ABCC4: variants seen among roughly 807,000 people sequenced by gnomAD.
The protein encoded by ABCC4 is ATP-binding cassette sub-family C member 4.
Under a neutral mutation model 168.5 loss-of-function variants are expected in ABCC4, and 102 were observed. The observed-to-expected ratio is 0.61, with a 90% CI of 0.52 to 0.71. The LOEUF is 0.71. Among genes scored for constraint, ABCC4 ranks in the 30% least tolerant of loss-of-function variants. ABCC4 has a pLI of 0.00. For missense variants in ABCC4, 1,402 were observed against 1,605.8 expected (o/e 0.87, Z 2.17); for synonymous variants, 617 against 590.7 (o/e 1.04, Z -0.65).
intron 25 of ABCC4, among the ~76,000 whole-genome samples, chr13:95,069,104 A>T (rs774700083): frequency 6.6e-5 from 10 of 152,190 alleles, no homozygotes; most frequent in Non-Finnish European, 1.5e-4. Flanking sequence ...TTCAATTGTG[A>T]CTATAGCCCA....
intron 19 of ABCC4, among the ~76,000 whole-genome samples, chr13:95,139,431 C>T (rs1196480199): frequency 6.6e-6 from 1 of 152,146 alleles, no homozygotes; most frequent in Non-Finnish European, 1.5e-5. Context: ...GCAGCTGTAA[C>T]CCAGAAACTT....
Position 95,186,775 on chromosome 13 carries a change from T to C in ABCC4, c.1471A>G (p.Ser491Gly). ...TATTTCTTCCCAAATAAAATATTAC[T>C]CCTCAGAGTTCCCGAGAACACCCAG... is the stretch of plus-strand genomic sequence containing the variant. ...QPWVFSGTLRSNILFGKKYEK... is the reference protein window; with the variant it reads ...QPWVFSGTLRGNILFGKKYEK... Residue 491 changes from serine (S) to glycine (G), a missense_variant, in exon 11 of 31, where the codon AGT (serine) becomes GGT (glycine). Around this residue, in one of 3 missense-constraint regions of ABCC4, gnomAD observed 1,007 missense variants for 1,127.3 expected, o/e 0.89. Coordinates refer to ENST00000645237, the MANE Select transcript of ABCC4 (RefSeq NM_005845.5). 1.9e-6 allele frequency: 3 copies of C among 1,614,140 alleles called. No homozygotes were observed. The highest frequency in any genetic ancestry group is 2.5e-6 in the Non-Finnish European group (3 of 1,180,010).
At chr13:95,284,801 G>C (rs1004655326) in intron 1 of ABCC4, among the ~76,000 whole-genome samples, 1 of 152,182 alleles carries the variant, frequency 6.6e-6, no homozygotes, top group Non-Finnish European at 1.5e-5. Flanking sequence ...TTTGAACCTA[G>C]GCTCTGCCAC....
chr13:95,233,499 G>T (rs1317091311), intron 4 of ABCC4, among the ~76,000 whole-genome samples: 1 of 152,036 alleles, frequency 6.6e-6, no homozygotes, highest in Non-Finnish European at 1.5e-5. Flanking sequence ...GACTACTAGA[G>T]TTGGGAGAGA....
chr13:95,258,435 T>A (rs945775291), intron 1 of ABCC4, among the ~76,000 whole-genome samples: 2 of 152,146 alleles, frequency 1.3e-5, no homozygotes, highest in African/African-American at 4.8e-5. Context: ...CCTGCAGGTC[T>A]CAATCCCCAG....
chr13:95,278,150 G>A (rs756424601), intron 1 of ABCC4, among the ~76,000 whole-genome samples: 8 of 152,182 alleles, frequency 5.3e-5, no homozygotes, highest in Non-Finnish European at 1.0e-4. Context: ...TGCTCAAGTG[G>A]AGATGCTACC....
At position 95,245,583 on chromosome 13, in the gene ABCC4, T is replaced by C. The variant is rs536071055; in HGVS notation, c.306+1392A>G. Among the ~76,000 whole-genome samples, 458 of 152,216 alleles carry C rather than the reference T, an allele frequency of 3.0e-3. 3 individuals carry two copies. The highest frequency in any genetic ancestry group is 5.2e-3 in the Non-Finnish European group (352 of 67,990). On this transcript the variant is annotated intron_variant, in intron 3 of 30. Coordinates refer to ENST00000645237, the MANE Select transcript of ABCC4 (RefSeq NM_005845.5). ...CTCCTAGCCCTCTTCCACCCTCAAG[T>C]CAGTTCCACCGGTTATTCTGCATGT...
intron 20 of ABCC4, among the ~76,000 whole-genome samples, chr13:95,109,713 C>G (rs2035137168): frequency 6.6e-6 from 1 of 152,132 alleles, no homozygotes; most frequent in African/African-American, 2.4e-5. Context: ...CGTGCTGAGA[C>G]CTTAACCATT....
intron 27 of ABCC4, among the ~76,000 whole-genome samples, chr13:95,050,810 T>C (rs1354819568): frequency 6.6e-6 from 1 of 152,248 alleles, no homozygotes; most frequent in Non-Finnish European, 1.5e-5. Flanking sequence ...AGTTCCATGA[T>C]GGTTTTTGAT....
chr13:95,102,346 A>AATT (rs1291558376), intron 20 of ABCC4, among the ~76,000 whole-genome samples: 1 of 152,232 alleles, frequency 6.6e-6, no homozygotes, highest in East Asian at 1.9e-4. Flanking sequence ...GGGTCTCACC[A>AATT]TAATGCTCAG....
intron 10 of ABCC4, among the ~76,000 whole-genome samples, chr13:95,188,009 C>A (rs955543997): frequency 6.6e-6 from 1 of 152,220 alleles, no homozygotes; most frequent in Non-Finnish European, 1.5e-5. Flanking sequence ...CAGGACTATA[C>A]ACCTGGCTAC....
intron 1 of ABCC4, among the ~76,000 whole-genome samples, chr13:95,259,295 G>A (rs59257629): frequency 0.14 from 20,979 of 151,464 alleles, 2,062 homozygotes; most frequent in East Asian, 0.4. Context: ...CAGGAGAATC[G>A]CTTGAACCAG....
At chr13:95,178,968 C>G (rs1428906714) in intron 11 of ABCC4, among the ~76,000 whole-genome samples, 2 of 152,032 alleles carry the variant, frequency 1.3e-5, no homozygotes, top group Non-Finnish European at 2.9e-5. Context: ...TGGTGTAAGA[C>G]AAGGGAAGAA....
chr13:95,052,607 A>G (rs2032889872), intron 27 of ABCC4, among the ~76,000 whole-genome samples: 1 of 152,254 alleles, frequency 6.6e-6, no homozygotes, highest in African/African-American at 2.4e-5. Context: ...ACGTTTGCCA[A>G]TAAATAATTA....
At chr13:95,217,118 C>T (rs1305493527) in intron 4 of ABCC4, among the ~76,000 whole-genome samples, 1 of 152,150 alleles carries the variant, frequency 6.6e-6, no homozygotes, top group African/African-American at 2.4e-5. Context: ...CTACTGAAGG[C>T]AGGCAAGGAA....
chr13:95,112,808 C>G (rs1238335319), intron 20 of ABCC4, among the ~76,000 whole-genome samples: 1 of 152,056 alleles, frequency 6.6e-6, no homozygotes, highest in Non-Finnish European at 1.5e-5. Context: ...TTGAACCTAA[C>G]GAGAGCCATC....
intron 26 of ABCC4, among the ~76,000 whole-genome samples, chr13:95,060,777 A>G (rs1381964050): frequency 2.0e-5 from 3 of 152,204 alleles, no homozygotes; most frequent in African/African-American, 7.2e-5. Flanking sequence ...TTGCCATTTC[A>G]AAGTCAACAT....
intron 13 of ABCC4, among the ~76,000 whole-genome samples, chr13:95,171,572 GA>G (rs34905884): frequency 1.2e-3 from 160 of 134,108 alleles, no homozygotes; most frequent in African/African-American, 2.0e-3. Flanking sequence ...AAAAAAAGGA[GA>G]AAAAAAAAAA....
At chr13:95,164,311 C>A in intron 16 of ABCC4, 67 bp downstream of exon 16, 1 of 1,578,110 alleles carries the variant, frequency 6.3e-7, no homozygotes, top group South Asian at 1.2e-5. Flanking sequence ...AAGATGCAGT[C>A]ATAATAGCAT....
Sources: allele counts gnomAD v4.1 joint callset (sites outside exome capture counted in the v4.1 genomes callset), GRCh38; gene constraint gnomAD v4.1.1; regional missense constraint gnomAD v4.1.1; transcripts MANE v1.5; gene names NCBI Gene and HGNC (gene_info 2026-07-23, HGNC 2026-07-21).